The following RAG1 variants were observed in gnomAD, a reference collection of about 807,000 sequenced individuals.
The protein encoded by RAG1 is V(D)J recombination-activating protein 1.
Under a neutral mutation model 62.7 loss-of-function variants are expected in RAG1, and 35 were observed. The ratio of observed to expected loss-of-function variants is 0.56; its 90% confidence interval spans 0.43 to 0.74. The LOEUF (loss-of-function observed/expected upper bound fraction) is 0.74, where lower values mean the gene tolerates loss of function less well. Among genes scored for constraint, RAG1 ranks in the 30% least tolerant of loss-of-function variants. The pLI is 0.00. For synonymous variants in RAG1, 461 were observed against 470.3 expected (o/e 0.98, Z 0.26); for missense variants, 1,169 against 1,278.6 (o/e 0.91, Z 1.31).
In RAG1 at chr11:36,577,603, C is replaced by T. The variant is rs1234404298; in HGVS notation, c.*1167C>T. 6.0e-6 allele frequency: 1 copy of T among 166,970 alleles called. No individual in the cohort carries two copies. Among genetic ancestry groups the T allele is most frequent in the Non-Finnish European group, 1.5e-5 (1 of 68,116 alleles). 10.3% of individuals were successfully genotyped at this position (166,970 alleles called of 1,614,324 possible). A position where few individuals can be genotyped will look rare whatever the true frequency, so the allele number is the denominator to read the frequency against. On this transcript the variant is annotated 3_prime_UTR_variant, in exon 2 of 2. Transcript: ENST00000299440. ...TTAACATTTACACAGTGCTTTTTACCACTGTGGAATGTTTTCACACTCATT... is the reference window on the plus strand; with the variant it reads ...TTAACATTTACACAGTGCTTTTTACTACTGTGGAATGTTTTCACACTCATT...
chr11:36,527,775 A>G (rs1220292730), intron 2 of RAG1, among the ~76,000 whole-genome samples: 1 of 152,118 alleles, frequency 6.6e-6, no homozygotes, highest in Non-Finnish European at 1.5e-5. Flanking sequence ...TTCTCCTTAA[A>G]GAGGTCCTTC....
intron 3 of RAG1, among the ~76,000 whole-genome samples, chr11:36,545,205 T>C (rs189555774): frequency 1.3e-5 from 2 of 152,310 alleles, no homozygotes; most frequent in Admixed American, 1.3e-4. Context: ...ATTAAATAGA[T>C]GTGGAATTTG....
At chr11:36,566,081 A>AAGAG (rs137987566), upstream of RAG1, among the ~76,000 whole-genome samples, 51 of 150,498 alleles carry the variant, frequency 3.4e-4, no homozygotes, top group African/African-American at 1.1e-3. Flanking sequence ...ATATGATTTG[A>AAGAG]AGAGAGAGAG....
exon 1 of RAG1, chr11:36,510,893 C>T (rs1859909858): frequency 6.6e-6 from 1 of 152,206 alleles, no homozygotes; most frequent in African/African-American, 2.4e-5. Context: ...TGGAGAAGCA[C>T]AAAAGAGTTT....
In RAG1 at chr11:36,560,093, G is replaced by T. The variant is rs181254218; in HGVS notation, c.-411-3292G>T. On this transcript the variant is annotated intron_variant and NMD_transcript_variant, in intron 3 of 9. Transcript: ENST00000534663. ...TTGGATTTGGTTACCGGTGGCTGCA[G>T]TAGTGTAGTATCAATGTGATTTCTT... is the stretch of plus-strand genomic sequence containing the variant. Among the ~76,000 whole-genome samples, 746 of 152,322 alleles carry T rather than the reference G, an allele frequency of 4.9e-3. 3 individuals carry two copies. The highest frequency in any genetic ancestry group is 8.3e-3 in the Non-Finnish European group (565 of 68,028).
chr11:36,546,744 C>T (rs1410065186), intron 3 of RAG1, among the ~76,000 whole-genome samples: 1 of 152,112 alleles, frequency 6.6e-6, no homozygotes, highest in Admixed American at 6.6e-5. Flanking sequence ...TTAGTGCTTC[C>T]TTCAGGAGCT....
At position 36,575,038 on chromosome 11, in the gene RAG1, G is replaced by A; in HGVS notation, c.1734G>A (p.Leu578=). 6.2e-7 allele frequency: 1 copy of A among 1,614,130 alleles called. No individual in the cohort carries two copies. The highest frequency in any genetic ancestry group is 8.5e-7 in the Non-Finnish European group (1 of 1,180,014). ...TGATGGACATGGAAGAAGACATCTT[G>A]GAAGGCATGAGATCCCAAGACCTTG... The part of the protein sequence containing the change: ...SALMDMEEDI[L]EGMRSQDLDD... The change falls in exon 2 of 2, where the codon TTG becomes TTA. Residue 578 remains leucine (L), a synonymous_variant. Transcript: ENST00000299440. The surrounding 1 kb of genome is among the most constrained non-coding windows in gnomAD (Gnocchi z 4.1).
At chr11:36,544,945 G>C (rs184492117) in intron 3 of RAG1, among the ~76,000 whole-genome samples, 6 of 152,278 alleles carry the variant, frequency 3.9e-5, no homozygotes, top group Non-Finnish European at 7.4e-5. Context: ...CAGCCGTGTG[G>C]AACTGTGAGT....
intron 2 of RAG1, among the ~76,000 whole-genome samples, chr11:36,526,589 A>G (rs1361265024): frequency 1.3e-5 from 2 of 152,290 alleles, no homozygotes; most frequent in African/African-American, 4.8e-5. Context: ...TCCTTTGGGT[A>G]TATATCCAGT....
At chr11:36,551,062 CA>C (rs887385789) in intron 3 of RAG1, among the ~76,000 whole-genome samples, 1 of 152,138 alleles carries the variant, frequency 6.6e-6, no homozygotes, top group African/African-American at 2.4e-5. Context: ...TAACTGATAG[CA>C]ACTCTCCTAC....
At chr11:36,521,494 T>A (rs1204087598) in intron 2 of RAG1, among the ~76,000 whole-genome samples, 3 of 152,182 alleles carry the variant, frequency 2.0e-5, no homozygotes, top group Non-Finnish European at 4.4e-5. Flanking sequence ...CCCAGCTAAG[T>A]GGAACTGTGA....
At chr11:36,533,300 C>T (rs922316159) in intron 2 of RAG1, among the ~76,000 whole-genome samples, 2 of 152,154 alleles carry the variant, frequency 1.3e-5, no homozygotes, top group African/African-American at 4.8e-5. Flanking sequence ...GGCAACTTTC[C>T]TGAGCCTTGC....
intron 1 of RAG1, among the ~76,000 whole-genome samples, chr11:36,572,875 A>C (rs540020370): frequency 6.6e-6 from 1 of 152,356 alleles, no homozygotes; most frequent in South Asian, 2.1e-4. Context: ...CAATGAGGCT[A>C]ATACAATGTG....
intron 2 of RAG1, among the ~76,000 whole-genome samples, chr11:36,532,383 C>A (rs189975397): frequency 8.6e-5 from 13 of 152,022 alleles, no homozygotes; most frequent in African/African-American, 2.9e-4. Flanking sequence ...TTATATTTTA[C>A]AAAAATGGTA....
chr11:36,547,892 C>A (rs540250167), intron 3 of RAG1, among the ~76,000 whole-genome samples: 1 of 152,158 alleles, frequency 6.6e-6, no homozygotes, highest in Non-Finnish European at 1.5e-5. Flanking sequence ...TACTGGCAAA[C>A]CTAATACAGC....
At chr11:36,527,870 G>A (rs967537182) in intron 2 of RAG1, among the ~76,000 whole-genome samples, 2 of 152,020 alleles carry the variant, frequency 1.3e-5, no homozygotes, top group African/African-American at 4.8e-5. Context: ...TTGTCTCTCT[G>A]TTTGTCCATT....
At position 36,574,688 on chromosome 11, in the gene RAG1, G is replaced by T. The variant is rs1850810600; in HGVS notation, c.1384G>T (p.Gly462Cys). 6.2e-7 allele frequency: 1 copy of T among 1,614,200 alleles called. No individual in the cohort carries two copies. The highest frequency in any genetic ancestry group is 1.7e-5 in the Admixed American group (1 of 60,028). ...GCTGGAGGCCATCATGCAGGGAAAGGGCTCTGGCCTGCAGCCAGCTGTTTG... is the reference window on the plus strand; with the variant it reads ...GCTGGAGGCCATCATGCAGGGAAAGTGCTCTGGCCTGCAGCCAGCTGTTTG... ...DELEAIMQGK[G>C]SGLQPAVCLA... The change falls in exon 2 of 2, where the codon GGC becomes TGC. Residue 462 changes from glycine (G) to cysteine (C), a missense_variant. Physicochemically the swap from Gly to Cys is radical, Grantham distance 159 (BLOSUM62 -3). Transcript: ENST00000299440.
rs373192810 is a variant in RAG1 at position 36,549,290 on chromosome 11, G to A, written c.-412+13256G>A. 3.5e-3 allele frequency among the ~76,000 whole-genome samples: 533 copies of A among 152,102 alleles called. 29 individuals are homozygous for A. In the East Asian group the frequency reaches 0.09, roughly 26 times the overall value. On this transcript the variant is annotated intron_variant and NMD_transcript_variant, in intron 3 of 9. Transcript: ENST00000534663. Reference sequence around the variant, plus strand: ...TGACAAATGGGATCTAATTAAACTAGAGAGCTTCTGCACAGCAAAAGAAAC... The same window carrying A: ...TGACAAATGGGATCTAATTAAACTAAAGAGCTTCTGCACAGCAAAAGAAAC...
chr11:36,575,016 T>G lies in RAG1; in HGVS notation c.1712T>G (p.Met571Arg). 1 of 1,614,094 alleles carries G rather than the reference T, an allele frequency of 6.2e-7. No homozygotes were observed. The highest frequency in any genetic ancestry group is 8.5e-7 in the Non-Finnish European group (1 of 1,180,004). The change falls in exon 2 of 2, where the codon ATG becomes AGG. Residue 571 changes from methionine to arginine, a missense_variant. Around this residue, in one of 2 missense-constraint regions of RAG1, gnomAD observed 800 missense variants for 943.3 expected, o/e 0.85. Coordinates refer to ENST00000299440, the MANE Select transcript of RAG1 (RefSeq NM_000448.3). This position sits in a 1 kb window ranked among gnomAD's most constrained non-coding sequence, Gnocchi z 4.1. ...GATTCAGCTTTGGTGTCTGCTTTGA[T>G]GGACATGGAAGAAGACATCTTGGAA... Reference protein sequence around the residue: ...RYDSALVSALMDMEEDILEGM... With the variant: ...RYDSALVSALRDMEEDILEGM...
Sources: allele counts gnomAD v4.1 joint callset (sites outside exome capture counted in the v4.1 genomes callset), GRCh38; gene constraint gnomAD v4.1.1; regional missense constraint gnomAD v4.1.1; non-coding constraint Gnocchi (gnomAD v3.1); transcripts MANE v1.5; gene names NCBI Gene and HGNC (gene_info 2026-07-23, HGNC 2026-07-21).